PLCE1: variants seen among roughly 807,000 people sequenced by gnomAD.
The protein encoded by PLCE1 is phospholipase C epsilon 1.
In PLCE1, 119 loss-of-function variants were observed where a neutral mutation model predicts 242.8. The ratio of observed to expected loss-of-function variants is 0.49; its 90% CI spans 0.42 to 0.57. The LOEUF (loss-of-function observed/expected upper bound fraction) is 0.57, where lower values mean the gene tolerates loss of function less well. Ranked by LOEUF, PLCE1 falls within the 20% of genes least tolerant of loss-of-function variation. The pLI is 0.00. For synonymous variants in PLCE1, 945 were observed against 1,017.4 expected, an observed-to-expected ratio of 0.93 and a Z score of 1.35; for missense variants, 2,441 against 2,788.8, an observed-to-expected ratio of 0.88 and a Z score of 2.81.
intron 24 of PLCE1, among the ~76,000 whole-genome samples, chr10:94,303,289 T>A (rs2053098342): frequency 1.3e-5 from 2 of 152,226 alleles, no homozygotes; most frequent in African/African-American, 2.4e-5. Context: ...GGAGTATTCA[T>A]CAGGTGTGTC....
intron 19 of PLCE1, among the ~76,000 whole-genome samples, chr10:94,278,499 T>G (rs1026530126): frequency 2.6e-4 from 39 of 152,328 alleles, no homozygotes; most frequent in African/African-American, 9.1e-4. Context: ...ATTAACTTAC[T>G]ACTATGTTTT....
intron 2 of PLCE1, among the ~76,000 whole-genome samples, chr10:94,063,611 G>GA (rs2044120572): frequency 6.6e-6 from 1 of 152,212 alleles, no homozygotes; most frequent in Non-Finnish European, 1.5e-5. Flanking sequence ...CATCTGTAGA[G>GA]ATGCTAGGTG....
intron 19 of PLCE1, among the ~76,000 whole-genome samples, chr10:94,277,449 A>C (rs1433317676): frequency 1.3e-5 from 2 of 152,118 alleles, no homozygotes; most frequent in Admixed American, 6.5e-5. Flanking sequence ...GAAGGGTCCC[A>C]GCTGTTGGCC....
intron 2 of PLCE1, chr10:94,107,777 A>T (rs1393254116): frequency 6.6e-6 from 1 of 152,206 alleles, no homozygotes; most frequent in Non-Finnish European, 1.5e-5. Context: ...GGGGAGCAGA[A>T]GAGAGGACAT....
intron 20 of PLCE1, 30 bp downstream of exon 20, chr10:94,279,941 C>T: frequency 6.2e-7 from 1 of 1,610,952 alleles, no homozygotes; most frequent in Non-Finnish European, 8.5e-7. Context: ...ATGCTGTGCA[C>T]AGGAAAATTC....
chr10:94,165,633 G>A (rs2047775235), intron 3 of PLCE1, among the ~76,000 whole-genome samples: 1 of 151,694 alleles, frequency 6.6e-6, no homozygotes, highest in Non-Finnish European at 1.5e-5. Flanking sequence ...ATCTGAACAG[G>A]CCAAAAAAAG....
At chr10:94,110,123 T>C (rs969816016) in intron 2 of PLCE1, among the ~76,000 whole-genome samples, 6 of 124,124 alleles carry the variant, frequency 4.8e-5, no homozygotes, top group South Asian at 3.0e-4. Flanking sequence ...AGTGCAGTGG[T>C]GCGATCTCTG....
intron 2 of PLCE1, among the ~76,000 whole-genome samples, chr10:94,059,444 C>T (rs764263712): frequency 2.6e-5 from 4 of 152,030 alleles, no homozygotes; most frequent in Non-Finnish European, 4.4e-5. Flanking sequence ...AGTGGGAACA[C>T]CTGGGTGGAG....
At chr10:94,103,606 A>T (rs1399946294) in intron 2 of PLCE1, among the ~76,000 whole-genome samples, 1 of 152,246 alleles carries the variant, frequency 6.6e-6, no homozygotes, top group Non-Finnish European at 1.5e-5. Flanking sequence ...CTATGTAAGA[A>T]AACTGCATGT....
At position 94,031,248 on chromosome 10, in the gene PLCE1, A is replaced by T. The variant is rs746652821; in HGVS notation, c.202A>T (p.Asn68Tyr). The T allele has an allele frequency of 6.2e-7, 1 of 1,613,890 alleles. No individual in the cohort carries two copies. Among genetic ancestry groups the T allele is most frequent in the South Asian group, 1.1e-5 (1 of 91,082 alleles). Residue 68 changes from asparagine to tyrosine, a missense_variant, in exon 2 of 33, where the codon AAC (asparagine) becomes TAC (tyrosine). Around this residue, in one of 5 missense-constraint regions of PLCE1, gnomAD observed 393 missense variants for 378.5 expected, o/e 1.04. Transcript: ENST00000371380. ...ACTTAAAGAAGAACCTTCTGGAAGC[A>T]ACTTGCCAAAGATTCTCTCAATAGC... ...NKLKEEPSGSNLPKILSIARE... is the reference protein window; with the variant it reads ...NKLKEEPSGSYLPKILSIARE...
chr10:94,271,607 C>T (rs1423800420), intron 18 of PLCE1, among the ~76,000 whole-genome samples: 1 of 152,104 alleles, frequency 6.6e-6, no homozygotes. Flanking sequence ...AGGCACCGCA[C>T]CCAGCCAAGA....
chr10:94,111,490 A>G (rs2045954449), intron 2 of PLCE1, among the ~76,000 whole-genome samples: 2 of 152,228 alleles, frequency 1.3e-5, no homozygotes, highest in Admixed American at 6.5e-5. Flanking sequence ...GACAGGGAAC[A>G]GGATTGTCCT....
chr10:94,164,232 T>C (rs1197257808), intron 3 of PLCE1, among the ~76,000 whole-genome samples: 3 of 152,246 alleles, frequency 2.0e-5, no homozygotes, highest in Non-Finnish European at 4.4e-5. Flanking sequence ...TGCTGGATAA[T>C]ATCCTGCAGA....
At chr10:94,235,287 G>C (rs1022685992) in intron 6 of PLCE1, among the ~76,000 whole-genome samples, 2 of 152,144 alleles carry the variant, frequency 1.3e-5, no homozygotes, top group African/African-American at 4.8e-5. Context: ...AAATGGAGGA[G>C]AAAGCTTAAA....
chr10:94,110,051 C>CTTTTTTCTTTT (rs2045896395), intron 2 of PLCE1, among the ~76,000 whole-genome samples: 1 of 74,442 alleles, frequency 1.3e-5, no homozygotes, highest in African/African-American at 4.4e-5. Context: ...TCCTTTTTTT[C>CTTTTTTCTTTT]TTTTTTCTTT....
At chr10:94,169,953 G>T (rs1564751910) in intron 3 of PLCE1, among the ~76,000 whole-genome samples, 1 of 152,190 alleles carries the variant, frequency 6.6e-6, no homozygotes, top group African/African-American at 2.4e-5. Context: ...CTAGAAGTTT[G>T]CTGAGGACAG....
chr10:94,153,350 G>T (rs922260869), intron 3 of PLCE1, among the ~76,000 whole-genome samples: 73 of 151,932 alleles, frequency 4.8e-4, no homozygotes, highest in African/African-American at 1.7e-3. Context: ...ATAGAAAAAG[G>T]ATTTCACAAA....
intron 2 of PLCE1, among the ~76,000 whole-genome samples, chr10:94,058,032 C>A (rs555013984): frequency 2.0e-5 from 3 of 152,120 alleles, no homozygotes; most frequent in African/African-American, 7.2e-5. Context: ...TTTTAAGAAC[C>A]TTCTAGGTAT....
chr10:94,053,833 G>C (rs1276903773), intron 2 of PLCE1, among the ~76,000 whole-genome samples: 4 of 152,216 alleles, frequency 2.6e-5, no homozygotes, highest in Non-Finnish European at 5.9e-5. Context: ...AAGTAGAACA[G>C]ATTTGGAAAA....
Sources: gnomAD v4.1 joint callset for allele counts (sites outside exome capture counted in the v4.1 genomes callset) on GRCh38, gnomAD v4.1.1 for gene constraint, gnomAD v4.1.1 regional missense constraint, MANE v1.5 for transcripts, NCBI Gene and HGNC (gene_info 2026-07-23, HGNC 2026-07-21) for gene names.